The following VEGFA variants were observed in gnomAD, a reference collection of about 807,000 sequenced individuals.
The protein encoded by VEGFA is vascular endothelial growth factor A, long form.
VEGFA carries 20 observed loss-of-function variants against 49.7 expected under a neutral mutation model. The ratio of observed to expected loss-of-function variants is 0.40; its 90% CI spans 0.28 to 0.58. VEGFA has a LOEUF of 0.58. Among genes scored for constraint, VEGFA ranks in the 20% least tolerant of loss-of-function variants. VEGFA has a pLI of 0.40. For missense variants in VEGFA, 505 were observed against 553.5 expected (o/e 0.91, Z 0.88); for synonymous variants, 219 against 223.4 (o/e 0.98, Z 0.18).
rs762362569 is a variant in VEGFA at position 43,771,174 on chromosome 6, G to T, written c.468G>T (p.Glu156Asp). The T allele has an allele frequency of 6.3e-7, 1 of 1,580,010 alleles. No individual in the cohort carries two copies. The highest frequency in any genetic ancestry group is 8.6e-7 in the Non-Finnish European group (1 of 1,166,804). The change falls in exon 1 of 8, where the codon GAG (glutamate) becomes GAT (aspartate). Residue 156 changes from glutamate (E) to aspartate (D), a missense_variant. Glu to Asp is a conservative substitution (Grantham distance 45). Coordinates refer to ENST00000672860, the MANE Select transcript of VEGFA (RefSeq NM_003376.6). ...GAGTAGCTCGCCGAGGCGCCGAGGA[G>T]AGCGGGCCGCCCCACAGCCCGAGCC...
In VEGFA at chr6:43,777,689, C is replaced by T; in HGVS notation, c.855+24C>T. On this transcript the variant is annotated intron_variant, in intron 3 of 7. Coordinates refer to ENST00000672860, the MANE Select transcript of VEGFA (RefSeq NM_003376.6). The surrounding 1 kb of genome is among the most constrained non-coding windows in gnomAD (Gnocchi z 4.3). Reference sequence around the variant, plus strand: ...AGGTGGGCATCTTTGGGAAGTGGGGCAAGGGGGGGATAGGGAGGGGGGTAA... The same window carrying T: ...AGGTGGGCATCTTTGGGAAGTGGGGTAAGGGGGGGATAGGGAGGGGGGTAA... The T allele has an allele frequency of 6.8e-7, 1 of 1,468,842 alleles. No homozygotes were observed. Among genetic ancestry groups the T allele is most frequent in the Non-Finnish European group, 9.1e-7 (1 of 1,094,848 alleles). 91.0% of individuals were successfully genotyped at this position (1,468,842 alleles called of 1,614,324 possible).
intron 1 of VEGFA, chr6:43,771,870 C>T (rs1043667806): frequency 9.1e-6 from 2 of 220,152 alleles, no homozygotes; most frequent in Admixed American, 6.5e-5. Flanking sequence ...GGGGACCCCC[C>T]CTCCCTGCTG....
At chr6:43,781,426 T>C (rs3025021) in intron 6 of VEGFA, 162,770 of 236,326 alleles carry the variant, frequency 0.69, 56,800 homozygotes, top group East Asian at 0.86. Flanking sequence ...CCTCTTCCTC[T>C]GGGTCGGAGG....
chr6:43,776,026 G>A lies in VEGFA; in HGVS notation c.659-1443G>A, dbSNP rs921553451. On this transcript the variant is annotated intron_variant, in intron 2 of 7. Coordinates refer to ENST00000672860, the MANE Select transcript of VEGFA (RefSeq NM_003376.6). Reference sequence around the variant, plus strand: ...GGTCTCTGGGGGGTGGGGGTTGGGAGCTGGGGTGGAAGTCCACGAAGCATA... The same window carrying A: ...GGTCTCTGGGGGGTGGGGGTTGGGAACTGGGGTGGAAGTCCACGAAGCATA... 4 of 152,220 alleles carry A rather than the reference G, an allele frequency of 2.6e-5. No individual in the cohort carries two copies. The East Asian group carries it at 7.7e-4, about 29-fold the overall frequency. The allele number at this position is 152,220 out of a possible 1,614,324, so 9.4% of individuals were successfully genotyped here. A position where few individuals can be genotyped will look rare whatever the true frequency, so the allele number is the denominator to read the frequency against.
chr6:43,780,852 C>T (rs756496300), intron 6 of VEGFA, 49 bp downstream of exon 6: 3 of 1,613,574 alleles, frequency 1.9e-6, no homozygotes, highest in Non-Finnish European at 2.5e-6. Flanking sequence ...TCCCTGGCCC[C>T]CAGTACAACC....
chr6:43,770,808 G>T lies in VEGFA; in HGVS notation c.102G>T (p.Pro34=). The change falls in exon 1 of 8, where the codon CCG becomes CCT. Residue 34 remains proline (P), a synonymous_variant. Coordinates refer to ENST00000672860, the MANE Select transcript of VEGFA (RefSeq NM_003376.6). The stretch of plus-strand genomic sequence containing the variant: ...CGGCGGCGAGCCGCGGGCAGGGGCC[G>T]GAGCCCGCGCCCGGAGGCGGGGTGG... 1 of 1,509,612 alleles carries T rather than the reference G, an allele frequency of 6.6e-7. No homozygotes were observed. The highest frequency in any genetic ancestry group is 1.3e-5 in the South Asian group (1 of 79,410). 93.5% of individuals were successfully genotyped at this position (1,509,612 alleles called of 1,614,324 possible).
chr6:43,781,137 C>T, intron 6 of VEGFA: 1 of 547,062 alleles, frequency 1.8e-6, no homozygotes, highest in Non-Finnish European at 3.3e-6. Context: ...TGCCTGCTCA[C>T]CCAACTGGTT....
Position 43,770,820 on chromosome 6 carries a change from C to T in VEGFA, c.114C>T (p.Pro38=), listed in dbSNP as rs1214875238. The change falls in exon 1 of 8, where the codon CCC becomes CCT. Residue 38 remains proline (P), a synonymous_variant. Coordinates refer to ENST00000672860, the MANE Select transcript of VEGFA (RefSeq NM_003376.6). Reference sequence around the variant, plus strand: ...GCGGGCAGGGGCCGGAGCCCGCGCCCGGAGGCGGGGTGGAGGGGGTCGGGG... The same window carrying T: ...GCGGGCAGGGGCCGGAGCCCGCGCCTGGAGGCGGGGTGGAGGGGGTCGGGG... 7.9e-6 allele frequency: 12 copies of T among 1,513,330 alleles called. No homozygotes were observed. Among genetic ancestry groups the T allele is most frequent in the East Asian group, 2.7e-5 (1 of 36,648 alleles). The allele number at this position is 1,513,330 out of a possible 1,614,324, so 93.7% of individuals were successfully genotyped here. A position where few individuals can be genotyped will look rare whatever the true frequency, so the allele number is the denominator to read the frequency against.
At position 43,770,973 on chromosome 6, in the gene VEGFA, G is replaced by A. The variant is rs1763342805; in HGVS notation, c.267G>A (p.Glu89=). 4 of 1,543,442 alleles carry A rather than the reference G, an allele frequency of 2.6e-6. No individual in the cohort carries two copies. The highest frequency in any genetic ancestry group is 3.5e-6 in the Non-Finnish European group (4 of 1,144,994). The change falls in exon 1 of 8, where the codon GAG becomes GAA. Residue 89 remains glutamate, a synonymous_variant. Transcript: ENST00000672860. ...GAAGTGCTAGCTCGGGCCGGGAGGA[G>A]CCGCAGCCGGAGGAGGGGGAGGAGG...
Position 43,784,731 on chromosome 6 carries a change from T to C in VEGFA, c.*169T>C. Reference sequence around the variant, plus strand: ...CCTGAAATGAAGGAAGAGGAGACTCTGCGCAGAGCACTTTGGGTCCGGAGG... The same window carrying C: ...CCTGAAATGAAGGAAGAGGAGACTCCGCGCAGAGCACTTTGGGTCCGGAGG... On this transcript the variant is annotated 3_prime_UTR_variant, in exon 8 of 8. Coordinates refer to ENST00000672860, the MANE Select transcript of VEGFA (RefSeq NM_003376.6). The C allele has an allele frequency of 1.5e-6, 2 of 1,311,626 alleles. No homozygotes were observed. Among genetic ancestry groups the C allele is most frequent in the Non-Finnish European group, 1.1e-6 (1 of 917,874 alleles). The allele number at this position is 1,311,626 out of a possible 1,614,324, so 81.2% of individuals were successfully genotyped here.
intron 1 of VEGFA, 39 bp downstream of exon 1, chr6:43,771,351 G>A: frequency 6.3e-7 from 1 of 1,583,852 alleles, no homozygotes; most frequent in South Asian, 1.1e-5. Flanking sequence ...GGGCCGCTGC[G>A]AGCGCCTCTC....
intron 5 of VEGFA, chr6:43,780,247 C>A: frequency 3.9e-6 from 1 of 258,792 alleles, no homozygotes; most frequent in South Asian, 4.7e-5. Context: ...TGATACACAG[C>A]CCTCCCTCCC....
intron 6 of VEGFA, chr6:43,781,721 C>G (rs947197690): frequency 2.7e-5 from 14 of 512,536 alleles, no homozygotes; most frequent in African/African-American, 2.7e-4. Flanking sequence ...TCTCCCTGCA[C>G]TCTCTGCCCG....
rs1763289341 is a variant in VEGFA, at chr6:43,770,783, C to T, written c.77C>T (p.Ala26Val). 6.8e-7 allele frequency: 1 copy of T among 1,472,860 alleles called. No individual in the cohort carries two copies. 91.2% of individuals were successfully genotyped at this position (1,472,860 alleles called of 1,614,324 possible). The change falls in exon 1 of 8, where the codon GCG (alanine) becomes GTG (valine). Residue 26 changes from alanine to valine, a missense_variant. Ala to Val is a moderately conservative substitution (Grantham distance 64, BLOSUM62 0). Coordinates refer to ENST00000672860, the MANE Select transcript of VEGFA (RefSeq NM_003376.6). ...CCCGGCCGGCGGCGGACAGTGGACGCGGCGGCGAGCCGCGGGCAGGGGCCG... is the reference window on the plus strand; with the variant it reads ...CCCGGCCGGCGGCGGACAGTGGACGTGGCGGCGAGCCGCGGGCAGGGGCCG...
chr6:43,781,055 G>C, intron 6 of VEGFA: 1 of 897,768 alleles, frequency 1.1e-6, no homozygotes, highest in Non-Finnish European at 1.7e-6. Context: ...TAAGGGAGGG[G>C]ACCCTGGCTT....
chr6:43,784,312 G>GC, intron 7 of VEGFA: 1 of 610,370 alleles, frequency 1.6e-6, no homozygotes, highest in Non-Finnish European at 2.9e-6. Context: ...TAGACTGGGA[G>GC]CCCCTGAGTG....
Position 43,770,399 on chromosome 6 carries a change from T to A in VEGFA, c.-308T>A, listed in dbSNP as rs989703214. On this transcript the variant is annotated 5_prime_UTR_variant, in exon 1 of 8. Coordinates refer to ENST00000672860, the MANE Select transcript of VEGFA (RefSeq NM_003376.6). ...TTCTTTTTTCTTAAACATTTTTTTT[T>A]AAAACTGTATTGTTTCTCGTTTTAA... 1.7e-4 allele frequency: 66 copies of A among 386,890 alleles called. No homozygotes were observed. Among genetic ancestry groups the A allele is most frequent in the African/African-American group, 5.0e-4 (24 of 48,164 alleles). The allele number at this position is 386,890 out of a possible 1,614,324, so 24.0% of individuals were successfully genotyped here.
chr6:43,783,414 CTT>C (rs1768571794), intron 7 of VEGFA: 1 of 152,364 alleles, frequency 6.6e-6, no homozygotes, highest in Admixed American at 6.5e-5. Flanking sequence ...TGCTGTCTGT[CTT>C]GGCCCTATGT....
In VEGFA at chr6:43,770,400, A is replaced by T. The variant is rs554454269; in HGVS notation, c.-307A>T. 2.6e-4 allele frequency: 99 copies of T among 387,288 alleles called. 1 individual carries two copies. Among genetic ancestry groups the T allele is most frequent in the African/African-American group, 1.2e-3 (57 of 48,252 alleles). 24.0% of individuals were successfully genotyped at this position (387,288 alleles called of 1,614,324 possible). A position where few individuals can be genotyped will look rare whatever the true frequency, so the allele number is the denominator to read the frequency against. On this transcript the variant is annotated 5_prime_UTR_variant, in exon 1 of 8. Coordinates refer to ENST00000672860, the MANE Select transcript of VEGFA (RefSeq NM_003376.6). ...TCTTTTTTCTTAAACATTTTTTTTT[A>T]AAACTGTATTGTTTCTCGTTTTAAT...
Sources: gnomAD v4.1 joint callset for allele counts on GRCh38, gnomAD v4.1.1 for gene constraint, Gnocchi (gnomAD v3.1) non-coding constraint, MANE v1.5 for transcripts, NCBI Gene and HGNC (gene_info 2026-07-23, HGNC 2026-07-21) for gene names.